Variants in KLHL1 observed in about 807,000 individuals in gnomAD.
KLHL1 encodes the protein kelch like family member 1.
A neutral mutation model predicts 77.7 loss-of-function variants in KLHL1; 47 were observed. That is an observed-to-expected ratio of 0.60 (90% CI 0.48 to 0.77). The LOEUF (loss-of-function observed/expected upper bound fraction) is 0.77, where lower values mean the gene tolerates loss of function less well. KLHL1 is among the 30% of genes least tolerant of loss of function. The pLI, the probability that KLHL1 is intolerant of heterozygous loss-of-function variation, is 0.00. For synonymous variants in KLHL1, 360 were observed against 325.2 expected (o/e 1.11, Z -1.15); for missense variants, 925 against 910.8 (o/e 1.02, Z -0.20).
At chr13:70,008,954 T>A (rs1885468693) in intron 1 of KLHL1, among the ~76,000 whole-genome samples, 1 of 152,108 alleles carries the variant, frequency 6.6e-6, no homozygotes, top group South Asian at 2.1e-4. Flanking sequence ...CTTCTGGATT[T>A]TATATTTGTC....
chr13:70,089,219 GCTGA>G (rs1299075054), intron 1 of KLHL1, among the ~76,000 whole-genome samples: 2 of 152,064 alleles, frequency 1.3e-5, no homozygotes, highest in East Asian at 3.9e-4. Flanking sequence ...ATCTTTTCAT[GCTGA>G]CTAATGCCAG....
chr13:69,974,759 A>G (rs1242576278), intron 2 of KLHL1, among the ~76,000 whole-genome samples: 1 of 152,064 alleles, frequency 6.6e-6, no homozygotes, highest in African/African-American at 2.4e-5. Context: ...ACTAGATGCT[A>G]TTTAGATGCT....
Position 69,870,167 on chromosome 13 carries a change from G to A in KLHL1, c.1227+12116C>T, listed in dbSNP as rs535761544. 7.9e-5 allele frequency among the ~76,000 whole-genome samples: 12 copies of A among 152,250 alleles called. No individual in the cohort carries two copies. The South Asian group carries it at 1.7e-3, about 21-fold the overall frequency. ...TTCTGCACACTTTACAAGAGGCATG[G>A]CATGAGCATCTGCTTTAGGTAAGTC... On this transcript the variant is annotated intron_variant, in intron 5 of 10. Transcript: ENST00000377844.
intron 2 of KLHL1, among the ~76,000 whole-genome samples, chr13:69,972,873 G>C (rs998914178): frequency 6.6e-6 from 1 of 151,760 alleles, no homozygotes; most frequent in African/African-American, 2.4e-5. Context: ...ATATTGATCT[G>C]TCAACCTAAT....
intron 1 of KLHL1, among the ~76,000 whole-genome samples, chr13:69,988,675 C>T (rs982929030): frequency 6.6e-6 from 1 of 152,024 alleles, no homozygotes; most frequent in Non-Finnish European, 1.5e-5. Flanking sequence ...GAGATAATAT[C>T]TCATTGTGAT....
intron 1 of KLHL1, among the ~76,000 whole-genome samples, chr13:70,068,936 C>A (rs1022551096): frequency 1.3e-5 from 2 of 152,018 alleles, no homozygotes; most frequent in Non-Finnish European, 1.5e-5. Context: ...GAGGAAAAAG[C>A]CTTCTTGCTT....
intron 3 of KLHL1, among the ~76,000 whole-genome samples, chr13:69,942,090 T>C (rs1883382178): frequency 6.6e-6 from 1 of 152,080 alleles, no homozygotes; most frequent in Non-Finnish European, 1.5e-5. Context: ...ATTTTAAACC[T>C]GAGAAAATAA....
chr13:69,723,385 T>C (rs1566182564), intron 8 of KLHL1, among the ~76,000 whole-genome samples: 1 of 152,220 alleles, frequency 6.6e-6, no homozygotes, highest in African/African-American at 2.4e-5. Context: ...AATTACCTAA[T>C]TTGTTCATTA....
intron 7 of KLHL1, among the ~76,000 whole-genome samples, chr13:69,767,263 T>A (rs1875351609): frequency 6.6e-6 from 1 of 152,184 alleles, no homozygotes; most frequent in Admixed American, 6.5e-5. Flanking sequence ...TCAAAAAAAA[T>A]TAAAAACATG....
chr13:69,955,056 A>C (rs1434451777), intron 3 of KLHL1, among the ~76,000 whole-genome samples: 1 of 151,258 alleles, frequency 6.6e-6, no homozygotes, highest in Non-Finnish European at 1.5e-5. Flanking sequence ...TCTTAAATCA[A>C]GAATAGAATT....
chr13:70,017,784 A>T (rs1200510836), intron 1 of KLHL1, among the ~76,000 whole-genome samples: 3 of 152,182 alleles, frequency 2.0e-5, no homozygotes, highest in Non-Finnish European at 4.4e-5. Flanking sequence ...ACAATAACAC[A>T]AAAAAATTAT....
intron 1 of KLHL1, among the ~76,000 whole-genome samples, chr13:70,062,833 G>A (rs915527283): frequency 6.6e-6 from 1 of 151,968 alleles, no homozygotes; most frequent in African/African-American, 2.4e-5. Flanking sequence ...TTAGTTATAT[G>A]AACATAGTTA....
Position 69,882,424 on chromosome 13 carries a change from C to G in KLHL1, c.1086G>C (p.Leu362=). The G allele has an allele frequency of 6.2e-7, 1 of 1,613,808 alleles. No homozygotes were observed. The highest frequency in any genetic ancestry group is 8.5e-7 in the Non-Finnish European group (1 of 1,179,766). ...LLPAEELHKL[L]ASDDVNVPDE... Reference sequence around the variant, plus strand: ...CAGGAACATTGACATCATCACTGGCCAGTAGTTTATGGAGCTCCTCAGCTG... The same window carrying G: ...CAGGAACATTGACATCATCACTGGCGAGTAGTTTATGGAGCTCCTCAGCTG... Residue 362 remains leucine (L), a synonymous_variant, in exon 5 of 11, where the codon CTG becomes CTC. Transcript: ENST00000377844.
chr13:69,936,210 A>G (rs1285409899), intron 4 of KLHL1, among the ~76,000 whole-genome samples: 1 of 152,170 alleles, frequency 6.6e-6, no homozygotes, highest in East Asian at 1.9e-4. Flanking sequence ...ACACATATTT[A>G]GCAGGAATGA....
At position 69,925,532 on chromosome 13, in the gene KLHL1, A is replaced by T. The variant is rs980156843; in HGVS notation, c.1014+14508T>A. ...CATATATGACAGTATCACTAATATC[A>T]CATGTGAACATTGACACTGTTGAAG... is the stretch of plus-strand genomic sequence containing the variant. On this transcript the variant is annotated intron_variant, in intron 4 of 10. Coordinates refer to ENST00000377844, the MANE Select transcript of KLHL1 (RefSeq NM_020866.3). Among the ~76,000 whole-genome samples, 15 of 152,290 alleles carry T rather than the reference A, an allele frequency of 9.8e-5. No individual in the cohort carries two copies. The East Asian group carries it at 2.7e-3, about 27-fold the overall frequency.
At chr13:69,859,629 G>T (rs1184162746) in intron 5 of KLHL1, among the ~76,000 whole-genome samples, 1 of 152,046 alleles carries the variant, frequency 6.6e-6, no homozygotes, top group Non-Finnish European at 1.5e-5. Context: ...GTATAAAAGG[G>T]ATATGCTCAG....
chr13:69,802,195 T>C (rs1277655842), intron 6 of KLHL1, among the ~76,000 whole-genome samples: 5 of 152,142 alleles, frequency 3.3e-5, no homozygotes, highest in Non-Finnish European at 7.4e-5. Flanking sequence ...AGGACATAAA[T>C]TCATTCTTTT....
At chr13:70,089,248 T>C (rs1228959141) in intron 1 of KLHL1, among the ~76,000 whole-genome samples, 1 of 152,218 alleles carries the variant, frequency 6.6e-6, no homozygotes, top group Non-Finnish European at 1.5e-5. Flanking sequence ...TTCTTTACAA[T>C]ACTTGGGCAA....
At chr13:69,895,877 T>C (rs961239037) in intron 4 of KLHL1, among the ~76,000 whole-genome samples, 7 of 152,068 alleles carry the variant, frequency 4.6e-5, no homozygotes, top group African/African-American at 1.7e-4. Flanking sequence ...TGGCTAATTA[T>C]TGTATTTTTT....
Sources: gnomAD v4.1 joint callset for allele counts (sites outside exome capture counted in the v4.1 genomes callset) on GRCh38, gnomAD v4.1.1 for gene constraint, MANE v1.5 for transcripts, NCBI Gene and HGNC (gene_info 2026-07-23, HGNC 2026-07-21) for gene names.